The following SENP2 variants were observed in gnomAD, a reference collection of about 807,000 sequenced individuals.
SENP2 encodes the protein sentrin-specific protease 2.
Under a neutral mutation model 86.3 loss-of-function variants are expected in SENP2, and 16 were observed. That is an observed-to-expected ratio of 0.19 (90% CI 0.13 to 0.28). The LOEUF (loss-of-function observed/expected upper bound fraction) is 0.28. Ranked by LOEUF, SENP2 falls within the 10% of genes least tolerant of loss-of-function variation. SENP2 has a pLI of 1.00. For missense variants in SENP2, 552 were observed against 703.0 expected (o/e 0.79, Z 2.43); for synonymous variants, 222 against 238.7 (o/e 0.93, Z 0.64).
At chr3:185,603,391 C>T (rs1264390340) in intron 5 of SENP2, among the ~76,000 whole-genome samples, 2 of 152,146 alleles carry the variant, frequency 1.3e-5, no homozygotes, top group African/African-American at 4.8e-5. Context: ...AAACGATAGA[C>T]TCTAATCATG....
chr3:185,592,907 G>A (rs1202701174), intron 2 of SENP2, among the ~76,000 whole-genome samples: 2 of 152,098 alleles, frequency 1.3e-5, no homozygotes, highest in Admixed American at 6.6e-5. Flanking sequence ...GTGAGCCACC[G>A]TGCCCGGCCT....
In SENP2 at chr3:185,595,797, A is replaced by AT. The variant is rs1011999597; in HGVS notation, c.158-2594dup. ...GGTGGCAAGGAAGGGTGAGCCTGAG[A>AT]TTTTTTTTTTTTTTTTTTTTTGAGA... On this transcript the variant is annotated intron_variant, in intron 2 of 16. Coordinates refer to ENST00000296257, the MANE Select transcript of SENP2 (RefSeq NM_021627.3). 7.4e-3 allele frequency among the ~76,000 whole-genome samples: 957 copies of AT among 130,132 alleles called. 9 individuals are homozygous for AT. Among genetic ancestry groups the AT allele is most frequent in the African/African-American group, 0.02 (686 of 34,930 alleles). 85.4% of individuals were successfully genotyped at this position (130,132 alleles called of 152,430 possible). A position where few individuals can be genotyped will look rare whatever the true frequency, so the allele number is the denominator to read the frequency against.
chr3:185,613,704 T>C, intron 10 of SENP2: 1 of 209,686 alleles, frequency 4.8e-6, no homozygotes, highest in East Asian at 1.4e-4. Context: ...GTGGCATGTC[T>C]GTAGTCCCAG....
chr3:185,595,824 A>G (rs1353434504), intron 2 of SENP2, among the ~76,000 whole-genome samples: 1 of 143,118 alleles, frequency 7.0e-6, no homozygotes, highest in Non-Finnish European at 1.5e-5. Flanking sequence ...TTTTTGAGAC[A>G]GGATCTCCCT....
intron 5 of SENP2, among the ~76,000 whole-genome samples, chr3:185,603,007 G>A (rs1722398250): frequency 6.7e-6 from 1 of 148,664 alleles, no homozygotes; most frequent in African/African-American, 2.5e-5. Context: ...CTGCCTCCTG[G>A]GTTCAAGCGA....
intron 11 of SENP2, 49 bp downstream of exon 11, chr3:185,614,789 C>G (rs764024534): frequency 2.0e-6 from 3 of 1,533,796 alleles, no homozygotes; most frequent in East Asian, 4.5e-5. Context: ...TTTAAATAAC[C>G]TCAGTTATTC....
Position 185,592,127 on chromosome 3 carries a change from T to TCAGTG in SENP2, c.157+1964_157+1968dup, listed in dbSNP as rs1366000354. ...AGGGTATCACTGTGTTGCCCAGGCT[T>TCAGTG]CAGTGCAGTGGCACGATCGTAGCTC... On this transcript the variant is annotated intron_variant, in intron 2 of 16. Coordinates refer to ENST00000296257, the MANE Select transcript of SENP2 (RefSeq NM_021627.3). Among the ~76,000 whole-genome samples, 6 of 150,142 alleles carry TCAGTG rather than the reference T, an allele frequency of 4.0e-5. No homozygotes were observed. In the East Asian group the frequency reaches 1.2e-3, roughly 30 times the overall value.
intron 5 of SENP2, among the ~76,000 whole-genome samples, chr3:185,605,416 C>T (rs1226230030): frequency 6.6e-6 from 1 of 151,704 alleles, no homozygotes; most frequent in African/African-American, 2.4e-5. Context: ...CATGGATTAC[C>T]AACATCAGGA....
chr3:185,619,263 C>A, intron 12 of SENP2, 36 bp from the exon 13 acceptor site: 1 of 1,448,190 alleles, frequency 6.9e-7, no homozygotes, highest in South Asian at 1.1e-5. Context: ...AATATGTTTG[C>A]CATGTTCCAG....
At chr3:185,605,370 G>GA (rs201452746) in intron 5 of SENP2, among the ~76,000 whole-genome samples, 15 of 144,762 alleles carry the variant, frequency 1.0e-4, no homozygotes, top group Admixed American at 2.1e-4. Flanking sequence ...AAACTTCGTC[G>GA]AAAAAAAAAA....
chr3:185,609,367 A>T lies in SENP2; in HGVS notation c.722+17A>T. On this transcript the variant is annotated intron_variant, in intron 7 of 16. Transcript: ENST00000296257. ...TTATCACAGGTGACAGTGAGCTAACAGATAATGCTTTGCTAGGCATCTTTT... is the reference window on the plus strand; with the variant it reads ...TTATCACAGGTGACAGTGAGCTAACTGATAATGCTTTGCTAGGCATCTTTT... The T allele has an allele frequency of 6.5e-7, 1 of 1,538,300 alleles. No individual in the cohort carries two copies. Among genetic ancestry groups the T allele is most frequent in the Non-Finnish European group, 9.0e-7 (1 of 1,112,530 alleles).
intron 11 of SENP2, 110 bp downstream of exon 11, chr3:185,614,850 A>G: frequency 1.0e-6 from 1 of 972,878 alleles, no homozygotes. Flanking sequence ...GGGTGAATAT[A>G]TGAAAACATG....
chr3:185,587,570 A>ATTTTTTTTTTTTTTTT (rs398052522), intron 1 of SENP2, among the ~76,000 whole-genome samples: 12,428 of 116,464 alleles, frequency 0.11, 1,785 homozygotes, highest in Non-Finnish European at 0.15. Flanking sequence ...TCAAGTGTTA[A>ATTTTTTTTTTTTTTTT]TTTTTTTTTT....
rs1255446202 is a variant in SENP2, at chr3:185,624,020, A to G, written c.1549A>G (p.Lys517Glu). 2 of 1,611,608 alleles carry G rather than the reference A, an allele frequency of 1.2e-6. No homozygotes were observed. The highest frequency in any genetic ancestry group is 1.7e-6 in the Non-Finnish European group (2 of 1,178,346). Reference protein sequence around the residue: ...ILLQYLQDESKTKRNSDLNLL... With the variant: ...ILLQYLQDESETKRNSDLNLL... ...TAGTCAGTATTTACAGGATGAAAGT[A>G]AGACCAAAAGAAATAGTGATCTGAA... The change falls in exon 15 of 17, where the codon AAG becomes GAG. Residue 517 changes from lysine (K) to glutamate (E), a missense_variant. Physicochemically the swap from Lys to Glu is moderately conservative, Grantham distance 56. Coordinates refer to ENST00000296257, the MANE Select transcript of SENP2 (RefSeq NM_021627.3).
intron 12 of SENP2, among the ~76,000 whole-genome samples, chr3:185,617,852 A>G (rs892416876): frequency 1.3e-4 from 20 of 152,208 alleles, no homozygotes; most frequent in African/African-American, 4.3e-4. Flanking sequence ...CTGGTCTTCA[A>G]TAAACCCTGG....
intron 8 of SENP2, chr3:185,612,358 CT>C (rs2148990004): frequency 2.6e-6 from 1 of 383,756 alleles, no homozygotes; most frequent in African/African-American, 2.0e-5. Context: ...TTACTGTCCA[CT>C]AAATGACAGC....
At position 185,604,045 on chromosome 3, in the gene SENP2, C is replaced by T. The variant is rs541586343; in HGVS notation, c.450-2285C>T. On this transcript the variant is annotated intron_variant, in intron 5 of 16. Transcript: ENST00000296257. ...CTGAGGGAGGAGAATCGCTTCAACC[C>T]GGAAGGCGGAGGTTGTAATGAGCTG... 5.6e-4 allele frequency among the ~76,000 whole-genome samples: 86 copies of T among 152,228 alleles called. No individual in the cohort carries two copies. In the South Asian group the frequency reaches 6.2e-3, roughly 11 times the overall value.
chr3:185,612,841 T>TG (rs1242905865), intron 9 of SENP2, among the ~76,000 whole-genome samples, 183 bp downstream of exon 9: 12 of 152,284 alleles, frequency 7.9e-5, no homozygotes, highest in South Asian at 2.1e-4. Context: ...CCTGGTGGGT[T>TG]GAGGGGGGTG....
At chr3:185,591,151 C>G (rs1350824552) in intron 2 of SENP2, among the ~76,000 whole-genome samples, 2 of 149,650 alleles carry the variant, frequency 1.3e-5, no homozygotes, top group Non-Finnish European at 3.0e-5. Flanking sequence ...GTGATCTGCC[C>G]GCCTCGGCCT....
Sources: gnomAD v4.1 joint callset for allele counts (sites outside exome capture counted in the v4.1 genomes callset) on GRCh38, gnomAD v4.1.1 for gene constraint, MANE v1.5 for transcripts, NCBI Gene and HGNC (gene_info 2026-07-23, HGNC 2026-07-21) for gene names.